The following SMOC2 variants were observed in gnomAD, a reference collection of about 807,000 sequenced individuals.
SMOC2 encodes SPARC related modular calcium binding 2, also known as SPARC-related modular calcium-binding protein 2.
SMOC2 carries 39 observed loss-of-function variants against 61.4 expected under a neutral mutation model. That is an observed-to-expected ratio of 0.64 (90% CI 0.49 to 0.83). The LOEUF is 0.83. SMOC2 is among the 40% of genes least tolerant of loss of function. SMOC2 has a pLI of 0.00. For missense variants in SMOC2, 556 were observed against 592.9 expected (o/e 0.94, Z 0.65); for synonymous variants, 247 against 239.9 (o/e 1.03, Z -0.27).
At chr6:168,513,477 AC>A (rs1783057410) in intron 2 of SMOC2, among the ~76,000 whole-genome samples, 1 of 5,424 alleles carries the variant, frequency 1.8e-4, no homozygotes, top group Non-Finnish European at 8.4e-4. Flanking sequence ...ACACACACAC[AC>A]ATACATACAC....
In SMOC2 at chr6:168,627,048, C is replaced by T. The variant is rs539673863; in HGVS notation, c.907+18809C>T. Reference sequence around the variant, plus strand: ...TCAGAGAAGAGACACACTCCAGGCCCCATAACCTTGGAGGAGCTAGATATT... The same window carrying T: ...TCAGAGAAGAGACACACTCCAGGCCTCATAACCTTGGAGGAGCTAGATATT... On this transcript the variant is annotated intron_variant, in intron 9 of 12. Transcript: ENST00000356284. 4.3e-4 allele frequency among the ~76,000 whole-genome samples: 65 copies of T among 152,150 alleles called. 1 individual carries two copies. The highest frequency in any genetic ancestry group is 4.3e-3 in the Admixed American group (65 of 15,280).
At position 168,667,972 on chromosome 6, in the gene SMOC2, T is replaced by A. The variant is rs187188172; in HGVS notation, c.*1534T>A. Reference sequence around the variant, plus strand: ...TTTAATCATTGTTCTTAGATTAAAATAAAATATGCTATTGAAACTATATTA... The same window carrying A: ...TTTAATCATTGTTCTTAGATTAAAAAAAAATATGCTATTGAAACTATATTA... On this transcript the variant is annotated 3_prime_UTR_variant, in exon 13 of 13. Transcript: ENST00000356284. 2.8e-4 allele frequency: 42 copies of A among 152,322 alleles called. No homozygotes were observed. In the East Asian group the frequency reaches 8.1e-3, roughly 29 times the overall value. 9.4% of individuals were successfully genotyped at this position (152,322 alleles called of 1,614,324 possible).
intron 2 of SMOC2, among the ~76,000 whole-genome samples, chr6:168,522,924 A>G (rs538398294): frequency 5.3e-5 from 8 of 152,194 alleles, no homozygotes; most frequent in African/African-American, 1.9e-4. Context: ...GGGGAATGGC[A>G]GCTTAACGGG....
At chr6:168,460,550 G>A (rs994686213) in intron 1 of SMOC2, among the ~76,000 whole-genome samples, 1 of 152,176 alleles carries the variant, frequency 6.6e-6, no homozygotes, top group Non-Finnish European at 1.5e-5. Context: ...GGGTTTGGAG[G>A]TCTGCCCACC....
chr6:168,599,153 C>CCACA (rs570119907), intron 8 of SMOC2, 149 bp downstream of exon 8: 3 of 696,464 alleles, frequency 4.3e-6, no homozygotes, highest in Non-Finnish European at 7.0e-6. Context: ...ACACACATAC[C>CCACA]CACACACACC....
At chr6:168,563,172 T>A (rs1428662229) in intron 7 of SMOC2, among the ~76,000 whole-genome samples, 1 of 152,216 alleles carries the variant, frequency 6.6e-6, no homozygotes, top group Non-Finnish European at 1.5e-5. Context: ...ATGGTGTGGA[T>A]CCTGTGTTTA....
intron 4 of SMOC2, among the ~76,000 whole-genome samples, chr6:168,541,967 T>A (rs1036868263): frequency 4.6e-5 from 7 of 152,198 alleles, no homozygotes; most frequent in African/African-American, 7.2e-5. Context: ...CAGTGCAAAA[T>A]ATTTTCTTAT....
intron 7 of SMOC2, among the ~76,000 whole-genome samples, chr6:168,559,665 G>A (rs1370939692): frequency 6.6e-6 from 1 of 151,966 alleles, no homozygotes; most frequent in Non-Finnish European, 1.5e-5. Context: ...GTGCTCATCT[G>A]CCAGCCAAGG....
chr6:168,473,629 T>C (rs1231172265), intron 1 of SMOC2, among the ~76,000 whole-genome samples: 1 of 152,152 alleles, frequency 6.6e-6, no homozygotes, highest in Non-Finnish European at 1.5e-5. Context: ...AGCGACTCTG[T>C]CTTTGTTAGA....
rs562770713 is a variant in SMOC2, at chr6:168,647,478, CCAGCGCCCCTGCGA to C, written c.908-3202_908-3189del. 3.3e-4 allele frequency among the ~76,000 whole-genome samples: 50 copies of C among 152,280 alleles called. 2 individuals carry two copies. In the South Asian group the frequency reaches 0.01, roughly 32 times the overall value. On this transcript the variant is annotated intron_variant, in intron 9 of 12. Coordinates refer to ENST00000356284, the MANE Select transcript of SMOC2 (RefSeq NM_001166412.2). ...AGTTACAGCAAGGGTTGGCAGGGGGCCAGCGCCCCTGCGAGGGACGAGGGTCTCTGCAGCCATCA... is the reference window on the plus strand; with the variant it reads ...AGTTACAGCAAGGGTTGGCAGGGGGCGGGACGAGGGTCTCTGCAGCCATCA...
chr6:168,456,005 G>GC (rs1781575726), intron 1 of SMOC2, among the ~76,000 whole-genome samples: 2 of 152,204 alleles, frequency 1.3e-5, no homozygotes, highest in Admixed American at 6.5e-5. Flanking sequence ...GGGCGGAGAT[G>GC]CCCCCAGCCC....
intron 1 of SMOC2, among the ~76,000 whole-genome samples, chr6:168,491,863 A>G (rs996915458): frequency 3.3e-5 from 5 of 152,222 alleles, no homozygotes; most frequent in African/African-American, 1.2e-4. Flanking sequence ...TGTGCTGTTC[A>G]TCATCTTAAC....
At chr6:168,522,212 A>G (rs1430520650) in intron 2 of SMOC2, among the ~76,000 whole-genome samples, 2 of 152,200 alleles carry the variant, frequency 1.3e-5, no homozygotes, top group Non-Finnish European at 2.9e-5. Flanking sequence ...GACAAAATAA[A>G]TTCTGGGTGG....
At chr6:168,512,418 T>TC (rs1282461058) in intron 2 of SMOC2, among the ~76,000 whole-genome samples, 4 of 152,156 alleles carry the variant, frequency 2.6e-5, no homozygotes, top group African/African-American at 9.7e-5. Flanking sequence ...CCTGGCGTGC[T>TC]TTAGAAAGGA....
chr6:168,537,316 C>T (rs930447769), intron 4 of SMOC2, among the ~76,000 whole-genome samples: 74 of 150,808 alleles, frequency 4.9e-4, no homozygotes, highest in African/African-American at 1.4e-3. Context: ...GAGAGAGCAG[C>T]GTCTGTCCTA....
At chr6:168,480,270 G>A (rs143880901) in intron 1 of SMOC2, among the ~76,000 whole-genome samples, 1 of 152,156 alleles carries the variant, frequency 6.6e-6, no homozygotes, top group East Asian at 1.9e-4. Context: ...TGAATCAACA[G>A]AAAACTGTCC....
intron 7 of SMOC2, among the ~76,000 whole-genome samples, chr6:168,587,013 G>A (rs1340276342): frequency 2.0e-5 from 3 of 152,162 alleles, no homozygotes; most frequent in African/African-American, 7.2e-5. Flanking sequence ...AGTCTACCAA[G>A]AGTTTTGCTA....
chr6:168,456,013 C>T (rs1781576077), intron 1 of SMOC2, among the ~76,000 whole-genome samples: 1 of 151,846 alleles, frequency 6.6e-6, no homozygotes, highest in East Asian at 1.9e-4. Context: ...ATGCCCCCAG[C>T]CCAGCCTCTG....
intron 2 of SMOC2, among the ~76,000 whole-genome samples, chr6:168,513,296 C>T (rs561634314): frequency 2.6e-5 from 4 of 151,908 alleles, no homozygotes; most frequent in Non-Finnish European, 2.9e-5. Context: ...TTGAATCTAA[C>T]GTACCTGAAG....
Sources: allele counts gnomAD v4.1 joint callset (sites outside exome capture counted in the v4.1 genomes callset), GRCh38; gene constraint gnomAD v4.1.1; transcripts MANE v1.5; gene names NCBI Gene and HGNC (gene_info 2026-07-23, HGNC 2026-07-21).